Variants in NRP1 observed in about 807,000 individuals in gnomAD.
NRP1 encodes neuropilin-1.
In NRP1, 35 loss-of-function variants were observed where a neutral mutation model predicts 106.7. That is an observed-to-expected ratio of 0.33 (90% CI 0.25 to 0.43). NRP1 has a LOEUF of 0.43. Among genes scored for constraint, NRP1 ranks in the 20% least tolerant of loss-of-function variants. The probability of loss-of-function intolerance (pLI) is 1.00; values close to 1 mark genes in which losing one functional copy is unlikely to be tolerated. For synonymous variants in NRP1, 437 were observed against 417.9 expected, an observed-to-expected ratio of 1.05 and a Z score of -0.56; for missense variants, 1,024 against 1,170.4, an observed-to-expected ratio of 0.87 and a Z score of 1.83.
intron 16 of NRP1, among the ~76,000 whole-genome samples, chr10:33,180,609 A>T (rs1835626394): frequency 6.6e-6 from 1 of 152,192 alleles, no homozygotes; most frequent in South Asian, 2.1e-4. Context: ...TTCCTTGCTC[A>T]TCTAACTCAG....
chr10:33,235,283 A>G (rs1052440777), intron 6 of NRP1, among the ~76,000 whole-genome samples: 8 of 152,364 alleles, frequency 5.3e-5, no homozygotes, highest in African/African-American at 1.9e-4. Context: ...TTAACACTCC[A>G]GCATTTCAGC....
intron 8 of NRP1, among the ~76,000 whole-genome samples, chr10:33,220,970 C>T (rs1588758710): frequency 6.6e-6 from 1 of 150,974 alleles, no homozygotes; most frequent in Non-Finnish European, 1.5e-5. Context: ...GTAGCTCACA[C>T]CTGTAATCCC....
chr10:33,278,183 C>A (rs1843852703), intron 2 of NRP1, among the ~76,000 whole-genome samples: 1 of 151,968 alleles, frequency 6.6e-6, no homozygotes. Flanking sequence ...TATTAGTAAT[C>A]CCATTCATTT....
At chr10:33,281,623 A>G (rs967783241) in intron 2 of NRP1, among the ~76,000 whole-genome samples, 2 of 152,172 alleles carry the variant, frequency 1.3e-5, no homozygotes, top group African/African-American at 4.8e-5. Flanking sequence ...ATCTCAGTCA[A>G]TCTGTCCTCA....
chr10:33,301,657 T>C (rs1214291008), intron 2 of NRP1, among the ~76,000 whole-genome samples: 1 of 152,140 alleles, frequency 6.6e-6, no homozygotes, highest in Non-Finnish European at 1.5e-5. Flanking sequence ...CCTGTGGTGG[T>C]GTCAGGAGAG....
intron 4 of NRP1, among the ~76,000 whole-genome samples, chr10:33,260,177 T>C (rs1231643536): frequency 6.6e-6 from 1 of 152,182 alleles, no homozygotes; most frequent in African/African-American, 2.4e-5. Context: ...AGGTATCCTT[T>C]TTAAAATGAA....
At chr10:33,299,616 C>T (rs1845658464) in intron 2 of NRP1, among the ~76,000 whole-genome samples, 4 of 152,092 alleles carry the variant, frequency 2.6e-5, no homozygotes, top group South Asian at 2.1e-4. Context: ...CCAGTCTCTA[C>T]AAACAAATAA....
chr10:33,260,943 A>G (rs1842526975), intron 4 of NRP1, among the ~76,000 whole-genome samples: 1 of 133,916 alleles, frequency 7.5e-6, no homozygotes, highest in South Asian at 2.6e-4. Flanking sequence ...GGAACTGTGT[A>G]TGTTGAACTA....
At chr10:33,212,831 C>A (rs1838415483) in intron 9 of NRP1, 1 of 175,476 alleles carries the variant, frequency 5.7e-6, no homozygotes, top group Non-Finnish European at 1.2e-5. Context: ...CTGCCACACC[C>A]TGTTAATTTT....
chr10:33,296,837 T>C (rs1166177195), intron 2 of NRP1, among the ~76,000 whole-genome samples: 1 of 152,058 alleles, frequency 6.6e-6, no homozygotes, highest in East Asian at 1.9e-4. Flanking sequence ...AAGACCAGTA[T>C]GGCCAACATG....
chr10:33,192,393 A>G lies in NRP1; in HGVS notation c.1950T>C (p.Cys650=). The G allele has an allele frequency of 6.2e-7, 1 of 1,614,016 alleles. No individual in the cohort carries two copies. The highest frequency in any genetic ancestry group is 8.5e-7 in the Non-Finnish European group (1 of 1,179,946). Residue 650 remains cysteine, a synonymous_variant, in exon 13 of 17, where the codon TGT becomes TGC. Coordinates refer to ENST00000374867, the MANE Select transcript of NRP1 (RefSeq NM_003873.7). ...QSEFPTYGFN[C]EFGWGSHKTF... Reference sequence around the variant, plus strand: ...TCTTGTGAGAGCCCCAGCCAAATTCACAGTTAAAACCATATGTTGGAAACT... The same window carrying G: ...TCTTGTGAGAGCCCCAGCCAAATTCGCAGTTAAAACCATATGTTGGAAACT...
At chr10:33,187,035 GATTA>G (rs2132601039) in intron 13 of NRP1, among the ~76,000 whole-genome samples, 1 of 150,974 alleles carries the variant, frequency 6.6e-6, no homozygotes, top group African/African-American at 2.5e-5. Flanking sequence ...TTCTTAAAAA[GATTA>G]ATTTTTTTTT....
intron 6 of NRP1, 35 bp from the exon 7 acceptor site, chr10:33,226,324 T>C (rs543064878): frequency 5.0e-6 from 8 of 1,611,722 alleles, no homozygotes; most frequent in South Asian, 1.1e-5. Flanking sequence ...CAGTGCACCA[T>C]CCCTGCAGCA....
At chr10:33,200,563 A>T (rs928460232) in intron 11 of NRP1, among the ~76,000 whole-genome samples, 2 of 152,172 alleles carry the variant, frequency 1.3e-5, no homozygotes, top group Non-Finnish European at 2.9e-5. Flanking sequence ...GACAGCATTG[A>T]TCCCAATTTC....
Position 33,334,510 on chromosome 10 carries a change from T to A in NRP1, c.-128A>T, listed in dbSNP as rs1848502995. ...CTAGAGCTGTACAATCCTCAGCCCG[T>A]CTTGGAGAAAAGAAAGCAGCGAGGC... On this transcript the variant is annotated 5_prime_UTR_variant, in exon 1 of 17. Coordinates refer to ENST00000374867, the MANE Select transcript of NRP1 (RefSeq NM_003873.7). 2 of 772,896 alleles carry A rather than the reference T, an allele frequency of 2.6e-6. No homozygotes were observed. The highest frequency in any genetic ancestry group is 6.2e-5 in the East Asian group (2 of 32,210). 47.9% of individuals were successfully genotyped at this position (772,896 alleles called of 1,614,324 possible).
chr10:33,206,009 A>T (rs183679049), intron 10 of NRP1: 13 of 328,800 alleles, frequency 4.0e-5, no homozygotes, highest in Non-Finnish European at 7.9e-5. Context: ...CCCAGGAATG[A>T]ACAAGGACAG....
chr10:33,237,479 A>ATGCGCG (rs1296458882), intron 6 of NRP1, among the ~76,000 whole-genome samples: 1 of 112,590 alleles, frequency 8.9e-6, no homozygotes, highest in Non-Finnish European at 1.9e-5. Flanking sequence ...AGAAACACAC[A>ATGCGCG]TGCGCGCGCA....
intron 12 of NRP1, among the ~76,000 whole-genome samples, chr10:33,196,261 TA>T (rs1409015949): frequency 6.6e-6 from 1 of 152,144 alleles, no homozygotes; most frequent in Non-Finnish European, 1.5e-5. Context: ...TGGCTTTAAT[TA>T]CCTCTCTGGT....
intron 10 of NRP1, among the ~76,000 whole-genome samples, chr10:33,206,727 G>A (rs1837815928): frequency 6.6e-6 from 1 of 152,186 alleles, no homozygotes; most frequent in Non-Finnish European, 1.5e-5. Flanking sequence ...AGAAAAACTG[G>A]TGTAGGTTAC....
Sources: gnomAD v4.1 joint callset for allele counts (sites outside exome capture counted in the v4.1 genomes callset) on GRCh38, gnomAD v4.1.1 for gene constraint, MANE v1.5 for transcripts, NCBI Gene and HGNC (gene_info 2026-07-23, HGNC 2026-07-21) for gene names.